The following LRRC72 variants were observed in gnomAD, a reference collection of about 807,000 sequenced individuals.
LRRC72 encodes leucine-rich repeat-containing protein 72.
LRRC72 carries 41 observed loss-of-function variants against 35.8 expected under a neutral mutation model. That is an observed-to-expected ratio of 1.15 (90% CI 0.89 to 1.49). LRRC72 has a LOEUF of 1.49. Ranked by LOEUF, LRRC72 falls within the 40% of genes most tolerant of loss-of-function variation. LRRC72 has a pLI of 0.00. For missense variants in LRRC72, 389 were observed against 330.7 expected (o/e 1.18, Z -1.37); for synonymous variants, 118 against 119.2 (o/e 0.99, Z 0.07).
rs557239496 is a variant in LRRC72 at position 16,537,725 on chromosome 7, T to A, written c.234+29T>A. The A allele has an allele frequency of 5.7e-6, 7 of 1,220,456 alleles. No individual in the cohort carries two copies. The South Asian group carries it at 8.8e-5, about 15-fold the overall frequency. The allele number at this position is 1,220,456 out of a possible 1,614,324, so 75.6% of individuals were successfully genotyped here. On this transcript the variant is annotated intron_variant, in intron 3 of 8. Coordinates refer to ENST00000401542, the MANE Select transcript of LRRC72 (RefSeq NM_001195280.2). ...GTGTTTTATTTTATCTTTCAATTAC[T>A]AAAATTAAACTACTATCTTAATTTT...
intron 3 of LRRC72, among the ~76,000 whole-genome samples, chr7:16,545,938 T>G (rs10277722): frequency 0.01 from 1,537 of 152,210 alleles, 32 homozygotes; most frequent in African/African-American, 0.035. Flanking sequence ...AAAGTCTGGA[T>G]TGGTTAAAAA....
intron 7 of LRRC72, among the ~76,000 whole-genome samples, chr7:16,575,363 A>G (rs956916491): frequency 6.6e-6 from 1 of 152,122 alleles, no homozygotes; most frequent in East Asian, 1.9e-4. Flanking sequence ...CCCAAACCAG[A>G]TTTACTAAAC....
In LRRC72 at chr7:16,558,889, G is replaced by C; in HGVS notation, c.317G>C (p.Gly106Ala). 5.7e-6 allele frequency: 8 copies of C among 1,411,180 alleles called. No homozygotes were observed. Among genetic ancestry groups the C allele is most frequent in the Non-Finnish European group, 7.5e-6 (8 of 1,069,236 alleles). 87.4% of individuals were successfully genotyped at this position (1,411,180 alleles called of 1,614,324 possible). A position where few individuals can be genotyped will look rare whatever the true frequency, so the allele number is the denominator to read the frequency against. The change falls in exon 5 of 9, where the codon GGT (glycine) becomes GCT (alanine). Residue 106 changes from glycine (G) to alanine (A), a missense_variant and splice_region_variant. Coordinates refer to ENST00000401542, the MANE Select transcript of LRRC72 (RefSeq NM_001195280.2). ...LNNNAIFEIEGLHYLPSLHIL... is the reference protein window; with the variant it reads ...LNNNAIFEIEALHYLPSLHIL... ...TGTAAAAATATTCTGTTTTTTTTAGGTCTGCATTATTTGCCTTCATTGCAT... is the reference window on the plus strand; with the variant it reads ...TGTAAAAATATTCTGTTTTTTTTAGCTCTGCATTATTTGCCTTCATTGCAT...
At chr7:16,529,506 A>G (rs1322715530) in intron 1 of LRRC72, among the ~76,000 whole-genome samples, 1 of 152,162 alleles carries the variant, frequency 6.6e-6, no homozygotes, top group Non-Finnish European at 1.5e-5. Flanking sequence ...CCCCTATAAC[A>G]TGGCAAACTT....
chr7:16,563,600 T>C (rs2389674), intron 5 of LRRC72, among the ~76,000 whole-genome samples: 81,186 of 152,072 alleles, frequency 0.53, 22,086 homozygotes, highest in South Asian at 0.72. Context: ...AACAGGAAAC[T>C]GATTTCACAT....
chr7:16,528,218 C>T (rs1221254884), intron 1 of LRRC72, among the ~76,000 whole-genome samples: 1 of 152,126 alleles, frequency 6.6e-6, no homozygotes. Flanking sequence ...TCCTCTGTCT[C>T]CTTTCCATCA....
chr7:16,566,320 C>T lies in LRRC72; in HGVS notation c.435C>T (p.Tyr145=), dbSNP rs1406106149. 6.5e-7 allele frequency: 1 copy of T among 1,536,382 alleles called. No homozygotes were observed. Among genetic ancestry groups the T allele is most frequent in the Non-Finnish European group, 8.8e-7 (1 of 1,141,378 alleles). The part of the protein sequence containing the change: ...GMLNLKILSL[Y]QNPLCQYNLY... ...TGGATTCTTCATTTGCAGGTCTATA[C>T]CAAAATCCTTTGTGCCAATATAACC... The change falls in exon 6 of 9, where the codon TAC becomes TAT. Residue 145 remains tyrosine, a synonymous_variant. Coordinates refer to ENST00000401542, the MANE Select transcript of LRRC72 (RefSeq NM_001195280.2).
intron 2 of LRRC72, 117 bp from the exon 3 acceptor site, chr7:16,537,510 T>C: frequency 2.0e-6 from 1 of 495,264 alleles, no homozygotes; most frequent in Non-Finnish European, 3.6e-6. Flanking sequence ...GCCAATAATT[T>C]TGAAAGGACA....
chr7:16,530,303 T>G (rs1782139909), intron 1 of LRRC72: 1 of 152,186 alleles, frequency 6.6e-6, no homozygotes, highest in African/African-American at 2.4e-5. Flanking sequence ...AATGCTGATG[T>G]CTGAAGGCAG....
intron 3 of LRRC72, among the ~76,000 whole-genome samples, chr7:16,540,748 C>G (rs1272988651): frequency 6.6e-6 from 1 of 152,176 alleles, no homozygotes; most frequent in Non-Finnish European, 1.5e-5. Context: ...CTTCCTCTTT[C>G]ATGCTCTTTC....
intron 4 of LRRC72, among the ~76,000 whole-genome samples, chr7:16,558,134 T>C (rs1050224042): frequency 6.6e-6 from 1 of 152,148 alleles, no homozygotes; most frequent in African/African-American, 2.4e-5. Flanking sequence ...TGGCTTCCAG[T>C]TATGTACAGA....
chr7:16,556,182 A>G (rs1232120302), intron 3 of LRRC72, among the ~76,000 whole-genome samples: 1 of 152,188 alleles, frequency 6.6e-6, no homozygotes, highest in Non-Finnish European at 1.5e-5. Flanking sequence ...TCATTTGAGG[A>G]AATTCGAGAA....
At chr7:16,556,789 G>C (rs1321208933) in intron 3 of LRRC72, among the ~76,000 whole-genome samples, 2 of 152,222 alleles carry the variant, frequency 1.3e-5, no homozygotes, top group Non-Finnish European at 2.9e-5. Context: ...GGTTTCAACA[G>C]ATTTCTGCAA....
chr7:16,555,986 G>C (rs1406968952), intron 3 of LRRC72, among the ~76,000 whole-genome samples: 1 of 151,888 alleles, frequency 6.6e-6, no homozygotes, highest in Non-Finnish European at 1.5e-5. Context: ...GAACATAACT[G>C]CTCCTCCTCT....
intron 7 of LRRC72, among the ~76,000 whole-genome samples, chr7:16,576,919 A>T (rs1483845147): frequency 6.6e-6 from 1 of 152,186 alleles, no homozygotes; most frequent in African/African-American, 2.4e-5. Context: ...GACCAGGCAG[A>T]CTATTTAACA....
At chr7:16,549,439 C>A (rs1292404524) in intron 3 of LRRC72, among the ~76,000 whole-genome samples, 1 of 152,176 alleles carries the variant, frequency 6.6e-6, no homozygotes, top group African/African-American at 2.4e-5. Flanking sequence ...CTACTTTCCA[C>A]AAACACTGTT....
chr7:16,573,791 A>G (rs182023513), intron 7 of LRRC72, among the ~76,000 whole-genome samples: 99 of 152,374 alleles, frequency 6.5e-4, no homozygotes, highest in Non-Finnish European at 8.8e-4. Flanking sequence ...ACCAAAGCCA[A>G]TATTGACAAA....
Position 16,558,626 on chromosome 7 carries a change from A to C in LRRC72, c.317-263A>C, listed in dbSNP as rs1332105557. Reference sequence around the variant, plus strand: ...ACTCCATCTCAAAAAATAAAAATAAAAAAAAGGAAAACAATGACAGTGGAA... The same window carrying C: ...ACTCCATCTCAAAAAATAAAAATAACAAAAAGGAAAACAATGACAGTGGAA... On this transcript the variant is annotated intron_variant, in intron 4 of 8. Coordinates refer to ENST00000401542, the MANE Select transcript of LRRC72 (RefSeq NM_001195280.2). 1.2e-4 allele frequency among the ~76,000 whole-genome samples: 18 copies of C among 152,126 alleles called. 1 individual carries two copies. Among genetic ancestry groups the C allele is most frequent in the Non-Finnish European group, 1.5e-5 (1 of 68,018 alleles).
At chr7:16,567,712 G>A (rs953412834) in intron 7 of LRRC72, among the ~76,000 whole-genome samples, 169 bp downstream of exon 7, 3 of 152,010 alleles carry the variant, frequency 2.0e-5, no homozygotes, top group Non-Finnish European at 4.4e-5. Context: ...TTTTAGTCCA[G>A]TTAAAGTAGG....
Sources: gnomAD v4.1 joint callset for allele counts (sites outside exome capture counted in the v4.1 genomes callset) on GRCh38, gnomAD v4.1.1 for gene constraint, MANE v1.5 for transcripts, NCBI Gene and HGNC (gene_info 2026-07-23, HGNC 2026-07-21) for gene names.